Variants in MAST1 observed in about 807,000 individuals in gnomAD.
The protein encoded by MAST1 is microtubule associated serine/threonine kinase 1.
MAST1 carries 40 observed loss-of-function variants against 124.6 expected under a neutral mutation model. That is an observed-to-expected ratio of 0.32 (90% confidence interval 0.25 to 0.42). The LOEUF (loss-of-function observed/expected upper bound fraction) is 0.42, where lower values mean the gene tolerates loss of function less well. MAST1 is among the 10% of genes least tolerant of loss of function. MAST1 has a pLI of 1.00. For missense variants in MAST1, 1,558 were observed against 2,181.9 expected (o/e 0.71, Z 5.70); for synonymous variants, 938 against 939.4 (o/e 1.00, Z 0.03).
rs764541898 is a variant in MAST1 at position 12,867,605 on chromosome 19, C to T, written c.2271C>T (p.Gly757=). The T allele has an allele frequency of 3.7e-6, 6 of 1,611,994 alleles. No homozygotes were observed. The highest frequency in any genetic ancestry group is 5.1e-6 in the Non-Finnish European group (6 of 1,179,142). The part of the protein sequence containing the change: ...EKVAGKREGL[G]GLTLREKTWR... ...TGGCCGGCAAGCGGGAGGGGCTGGG[C>T]GGCCTGACCCTGCGTGAGAAGACCT... The change falls in exon 19 of 26, where the codon GGC becomes GGT. Residue 757 remains glycine, a synonymous_variant. Transcript: ENST00000251472.
At chr19:12,868,328 C>T (rs1175501683) in intron 20 of MAST1, among the ~76,000 whole-genome samples, 1 of 151,822 alleles carries the variant, frequency 6.6e-6, no homozygotes, top group African/African-American at 2.4e-5. Context: ...AGGCTGGTCT[C>T]GAACTCCTGA....
Position 12,840,445 on chromosome 19 carries a change from G to A in MAST1, c.84-1G>A. The A allele has an allele frequency of 6.2e-7, 1 of 1,611,510 alleles. No homozygotes were observed. Among genetic ancestry groups the A allele is most frequent in the Non-Finnish European group, 8.5e-7 (1 of 1,178,108 alleles). On this transcript the variant is annotated splice_acceptor_variant, in intron 1 of 25. Transcript: ENST00000251472. LOFTEE classifies it high-confidence loss of function. The stretch of plus-strand genomic sequence containing the variant: ...GCCCCCCTGCCTTACCTTCCCCGCA[G>A]CTGCCGCACCAGTAATCGGAAAAGC...
intron 10 of MAST1, among the ~76,000 whole-genome samples, chr19:12,856,304 C>CTT (rs201548961): frequency 7.2e-6 from 1 of 139,214 alleles, no homozygotes. Flanking sequence ...TATTTTGCCA[C>CTT]TTTTTTTTTT....
chr19:12,854,028 C>T (rs1390723805), intron 10 of MAST1, among the ~76,000 whole-genome samples: 1 of 151,532 alleles, frequency 6.6e-6, no homozygotes, highest in Non-Finnish European at 1.5e-5. Context: ...ACCTCACACC[C>T]ATTACACACT....
chr19:12,858,792 G>A (rs757557757), intron 12 of MAST1, 53 bp downstream of exon 12: 1 of 1,596,374 alleles, frequency 6.3e-7, no homozygotes. Flanking sequence ...CACTGGTCAG[G>A]GCTGCGGGGT....
rs540395118 is a variant in MAST1 at position 12,874,589 on chromosome 19, G to A, written c.4432G>A (p.Glu1478Lys). Residue 1478 changes from glutamate (E) to lysine (K), a missense_variant, in exon 26 of 26, where the codon GAG becomes AAG. Glu to Lys is a moderately conservative substitution (Grantham distance 56, BLOSUM62 1). Coordinates refer to ENST00000251472, the MANE Select transcript of MAST1 (RefSeq NM_014975.3). The surrounding 1 kb of genome is among the most constrained non-coding windows in gnomAD (Gnocchi z 6.6). ...PSVPEAPRGR[E>K]RWVLEVVEER... is the part of the protein sequence containing the mutation. The stretch of plus-strand genomic sequence containing the variant: ...CGTGCCCGAGGCCCCCCGGGGCCGG[G>A]AGCGCTGGGTGTTGGAGGTGGTGGA... The A allele has an allele frequency of 2.7e-6, 4 of 1,509,288 alleles. No homozygotes were observed. Among genetic ancestry groups the A allele is most frequent in the South Asian group, 2.7e-5 (2 of 75,024 alleles). 93.5% of individuals were successfully genotyped at this position (1,509,288 alleles called of 1,614,324 possible).
chr19:12,843,483 G>T lies in MAST1; in HGVS notation c.249-46G>T. 1 of 1,520,216 alleles carries T rather than the reference G, an allele frequency of 6.6e-7. No individual in the cohort carries two copies. Among genetic ancestry groups the T allele is most frequent in the South Asian group, 1.1e-5 (1 of 88,444 alleles). 94.2% of individuals were successfully genotyped at this position (1,520,216 alleles called of 1,614,324 possible). On this transcript the variant is annotated intron_variant, in intron 3 of 25. Coordinates refer to ENST00000251472, the MANE Select transcript of MAST1 (RefSeq NM_014975.3). The surrounding 1 kb of genome is among the most constrained non-coding windows in gnomAD (Gnocchi z 4.9). ...TCACCCACACCCTGAGGAGTTGGGG[G>T]ACCGCTGGGGCCTTGTGGCCTCTGA...
chr19:12,868,061 G>A, intron 20 of MAST1, 84 bp downstream of exon 20: 1 of 1,219,400 alleles, frequency 8.2e-7, no homozygotes, highest in South Asian at 1.8e-5. Context: ...GCCTGGTGCT[G>A]TTTATGAAAG....
In MAST1 at chr19:12,852,230, C is replaced by A. The variant is rs756381065; in HGVS notation, c.992C>A (p.Thr331Asn). The change falls in exon 9 of 26, where the codon ACC becomes AAC. Residue 331 changes from threonine (T) to asparagine (N), a missense_variant. Transcript: ENST00000251472. ...TACATCATCCGCCAGCTGGGCCTCA[C>A]CCGTGACCCCTTTCCAGGTGCCGGC... Reference protein sequence around the residue: ...PRYIIRQLGLTRDPFPDVVHL... With the variant: ...PRYIIRQLGLNRDPFPDVVHL... 13 of 1,614,080 alleles carry A rather than the reference C, an allele frequency of 8.1e-6. No homozygotes were observed. Among genetic ancestry groups the A allele is most frequent in the Non-Finnish European group, 1.1e-5 (13 of 1,180,030 alleles).
chr19:12,847,420 C>T lies in MAST1; in HGVS notation c.458C>T (p.Pro153Leu). 1 of 1,613,888 alleles carries T rather than the reference C, an allele frequency of 6.2e-7. No individual in the cohort carries two copies. ...GACGAGGATGGTGGCCGTCGCTCCC[C>T]AGCCGTGCGGCCCCGCTCACGGAGC... ...ITDEDGGRRS[P>L]AVRPRSRSLS... is the part of the protein sequence containing the mutation. Residue 153 changes from proline to leucine, a missense_variant, in exon 5 of 26, where the codon CCA (proline) becomes CTA (leucine). Transcript: ENST00000251472. This position sits in a 1 kb window ranked among gnomAD's most constrained non-coding sequence, Gnocchi z 5.5.
At chr19:12,867,334 T>TG in intron 18 of MAST1, 140 bp from the exon 19 acceptor site, 2 of 906,638 alleles carry the variant, frequency 2.2e-6, no homozygotes, top group Non-Finnish European at 3.5e-6. Flanking sequence ...AATTGTAGGT[T>TG]GGGGGATCAT....
chr19:12,871,153 G>T lies in MAST1; in HGVS notation c.3244G>T (p.Ala1082Ser). The change falls in exon 24 of 26, where the codon GCC (alanine) becomes TCC (serine). Residue 1082 changes from alanine (A) to serine (S), a missense_variant. Ala to Ser is a moderately conservative substitution (Grantham distance 99, BLOSUM62 1). Around this residue, in one of 10 missense-constraint regions of MAST1, gnomAD observed 291 missense variants for 475.8 expected, o/e 0.61. Coordinates refer to ENST00000251472, the MANE Select transcript of MAST1 (RefSeq NM_014975.3). ...GGCTCGGAGGAACAAGCGACCCTCCGCCAAGGAGGGCCAGGAGAGGTGGGC... is the reference window on the plus strand; with the variant it reads ...GGCTCGGAGGAACAAGCGACCCTCCTCCAAGGAGGGCCAGGAGAGGTGGGC... ...KMARRNKRPS[A>S]KEGQESKKRS... 1 of 1,614,152 alleles carries T rather than the reference G, an allele frequency of 6.2e-7. No individual in the cohort carries two copies. Among genetic ancestry groups the T allele is most frequent in the South Asian group, 1.1e-5 (1 of 91,080 alleles).
chr19:12,839,037 G>A (rs2145880499), intron 1 of MAST1, among the ~76,000 whole-genome samples: 1 of 152,056 alleles, frequency 6.6e-6, no homozygotes, highest in East Asian at 1.9e-4. Context: ...TCCTGGACGC[G>A]CTAATATGCT....
At chr19:12,852,805 C>T (rs1432682084) in intron 10 of MAST1, among the ~76,000 whole-genome samples, 6 of 151,730 alleles carry the variant, frequency 4.0e-5, no homozygotes, top group South Asian at 4.2e-4. Flanking sequence ...ACTGAGATTA[C>T]ACCACTGCAC....
At chr19:12,851,724 G>T (rs1293294039) in intron 7 of MAST1, among the ~76,000 whole-genome samples, 2 of 151,810 alleles carry the variant, frequency 1.3e-5, no homozygotes, top group African/African-American at 4.8e-5. Context: ...GACCTCAAGT[G>T]ATCCACCCAC....
intron 3 of MAST1, among the ~76,000 whole-genome samples, chr19:12,842,888 GATTGTGC>G (rs1969849480): frequency 6.6e-6 from 1 of 152,152 alleles, no homozygotes; most frequent in South Asian, 2.1e-4. Context: ...TTGCACGCGT[GATTGTGC>G]ATTAGTGTGT....
intron 1 of MAST1, among the ~76,000 whole-genome samples, chr19:12,839,870 C>T (rs886950774): frequency 6.6e-6 from 1 of 152,076 alleles, no homozygotes; most frequent in Non-Finnish European, 1.5e-5. Flanking sequence ...CCACTGCACA[C>T]TGCACTCCAG....
chr19:12,847,784 G>C lies in MAST1; in HGVS notation c.565-64G>C. On this transcript the variant is annotated intron_variant, in intron 6 of 25. Transcript: ENST00000251472. This position sits in a 1 kb window ranked among gnomAD's most constrained non-coding sequence, Gnocchi z 5.5. ...CCCCCTGGCGGCCTCGGTGCGCAGCGCAGGCTCCTGGCGGCCGCAGCCTTC... is the reference window on the plus strand; with the variant it reads ...CCCCCTGGCGGCCTCGGTGCGCAGCCCAGGCTCCTGGCGGCCGCAGCCTTC... The C allele has an allele frequency of 6.3e-7, 1 of 1,580,518 alleles. No homozygotes were observed. Among genetic ancestry groups the C allele is most frequent in the Non-Finnish European group, 8.6e-7 (1 of 1,159,612 alleles).
chr19:12,872,369 C>A (rs1970246931), intron 24 of MAST1, among the ~76,000 whole-genome samples: 1 of 152,022 alleles, frequency 6.6e-6, no homozygotes, highest in African/African-American at 2.4e-5. Context: ...ACATTTCTTC[C>A]CACTCTTATA....
Sources: gnomAD v4.1 joint callset for allele counts (sites outside exome capture counted in the v4.1 genomes callset) on GRCh38, gnomAD v4.1.1 for gene constraint, gnomAD v4.1.1 regional missense constraint, Gnocchi (gnomAD v3.1) non-coding constraint, MANE v1.5 for transcripts, NCBI Gene and HGNC (gene_info 2026-07-23, HGNC 2026-07-21) for gene names.